The following PDSS1 variants were observed in gnomAD, a reference collection of about 807,000 sequenced individuals.
The protein encoded by PDSS1 is decaprenyl diphosphate synthase subunit 1.
A neutral mutation model predicts 57.5 loss-of-function variants in PDSS1; 43 were observed. The ratio of observed to expected loss-of-function variants is 0.75; its 90% CI spans 0.59 to 0.96. PDSS1 has a LOEUF of 0.96. Ranked by LOEUF, PDSS1 falls within the 50% of genes least tolerant of loss-of-function variation. The pLI, the probability that PDSS1 is intolerant of heterozygous loss-of-function variation, is 0.00. For synonymous variants in PDSS1, 175 were observed against 191.3 expected (o/e 0.91, Z 0.70); for missense variants, 438 against 527.8 (o/e 0.83, Z 1.67).
At chr10:26,703,057 G>A (rs1202851919) in intron 2 of PDSS1, among the ~76,000 whole-genome samples, 1 of 152,122 alleles carries the variant, frequency 6.6e-6, no homozygotes, top group Non-Finnish European at 1.5e-5. Flanking sequence ...TGTATATTGT[G>A]TACCAGGCTC....
chr10:26,725,892 A>G (rs369029008), intron 8 of PDSS1, among the ~76,000 whole-genome samples: 3 of 152,234 alleles, frequency 2.0e-5, no homozygotes, highest in South Asian at 2.1e-4. Context: ...CCTAGGCAAC[A>G]TAGCAAGATC....
At chr10:26,712,032 C>T (rs143312339) in intron 5 of PDSS1, among the ~76,000 whole-genome samples, 790 of 68,970 alleles carry the variant, frequency 0.011, 240 homozygotes, top group Admixed American at 0.11. Flanking sequence ...GATGGAGTCT[C>T]GCTCTGTTGC....
intron 8 of PDSS1, among the ~76,000 whole-genome samples, chr10:26,730,526 C>G (rs1233007083): frequency 2.6e-5 from 4 of 151,808 alleles, no homozygotes; most frequent in African/African-American, 9.7e-5. Context: ...GGAGGATCAC[C>G]TGAGCCCTGG....
intron 8 of PDSS1, among the ~76,000 whole-genome samples, chr10:26,729,610 C>T (rs1836094038): frequency 1.3e-5 from 2 of 152,224 alleles, no homozygotes; most frequent in Middle Eastern, 3.4e-3. Context: ...ATTCATGACT[C>T]ATATCTCTGT....
intron 6 of PDSS1, among the ~76,000 whole-genome samples, chr10:26,722,363 T>C (rs984458825): frequency 1.1e-4 from 16 of 152,336 alleles, no homozygotes; most frequent in East Asian, 3.9e-4. Context: ...TAAATAGTTA[T>C]GTTAAAAATT....
At chr10:26,743,187 C>T (rs760685695) in intron 11 of PDSS1, among the ~76,000 whole-genome samples, 9 of 152,212 alleles carry the variant, frequency 5.9e-5, no homozygotes, top group African/African-American at 1.7e-4. Context: ...TATATTGCCA[C>T]GTATCTTCAG....
intron 10 of PDSS1, among the ~76,000 whole-genome samples, chr10:26,736,801 A>G (rs1281709861): frequency 6.6e-6 from 1 of 152,222 alleles, no homozygotes; most frequent in African/African-American, 2.4e-5. Context: ...GGTATGCTGT[A>G]AATAGGTCCT....
chr10:26,740,141 C>CAA (rs57093244), intron 10 of PDSS1, among the ~76,000 whole-genome samples: 47 of 98,440 alleles, frequency 4.8e-4, no homozygotes, highest in African/African-American at 1.3e-3. Flanking sequence ...AACTCCATCT[C>CAA]AAAAAAAAAA....
At chr10:26,744,303 C>G (rs1041417573) in intron 11 of PDSS1, among the ~76,000 whole-genome samples, 1 of 151,848 alleles carries the variant, frequency 6.6e-6, no homozygotes, top group Non-Finnish European at 1.5e-5. Flanking sequence ...CCATTAAATC[C>G]GAAGGCAAAA....
chr10:26,739,021 A>G (rs1407589424), intron 10 of PDSS1, among the ~76,000 whole-genome samples: 7 of 152,214 alleles, frequency 4.6e-5, no homozygotes. Flanking sequence ...ATTTTCAAAT[A>G]TCTTTTTTAA....
chr10:26,724,130 A>G lies in PDSS1; in HGVS notation c.831+7A>G. ...AGCCAACAGTTGTAAAGCAGTATGT[A>G]CGTTCTGTCTTTCTTCAAGTTAAAG... On this transcript the variant is annotated splice_region_variant and intron_variant, in intron 8 of 11. Transcript: ENST00000376215. 1 of 1,572,056 alleles carries G rather than the reference A, an allele frequency of 6.4e-7. No homozygotes were observed. The highest frequency in any genetic ancestry group is 8.8e-7 in the Non-Finnish European group (1 of 1,141,558).
intron 2 of PDSS1, among the ~76,000 whole-genome samples, chr10:26,703,890 G>T (rs941264835): frequency 6.6e-6 from 1 of 151,698 alleles, no homozygotes; most frequent in African/African-American, 2.4e-5. Flanking sequence ...GACCATCCTG[G>T]CTAACACGGT....
At chr10:26,728,280 T>G (rs1836033221) in intron 8 of PDSS1, among the ~76,000 whole-genome samples, 1 of 151,972 alleles carries the variant, frequency 6.6e-6, no homozygotes, top group Non-Finnish European at 1.5e-5. Context: ...TCACCTGAGG[T>G]CAAGAGTTTG....
intron 5 of PDSS1, chr10:26,718,742 T>G (rs1835684337): frequency 1.1e-5 from 1 of 89,120 alleles, no homozygotes; most frequent in African/African-American, 4.3e-5. Flanking sequence ...GCCTGGGCAA[T>G]AAGAGTGAAA....
chr10:26,722,470 C>T (rs1033706919), intron 6 of PDSS1, among the ~76,000 whole-genome samples: 5 of 151,974 alleles, frequency 3.3e-5, no homozygotes, highest in African/African-American at 7.3e-5. Context: ...TTTGGGAGGC[C>T]GAGGCAGTTG....
chr10:26,707,436 C>A (rs1017472620), intron 4 of PDSS1, among the ~76,000 whole-genome samples: 6 of 152,138 alleles, frequency 3.9e-5, no homozygotes, highest in Admixed American at 6.5e-5. Flanking sequence ...TGGTCGCCTT[C>A]CTGTTGTGGG....
At chr10:26,719,971 G>T (rs1033377466) in intron 5 of PDSS1, among the ~76,000 whole-genome samples, 1 of 152,214 alleles carries the variant, frequency 6.6e-6, no homozygotes, top group South Asian at 2.1e-4. Context: ...ATCGTTTACT[G>T]TTTTTTTGGC....
chr10:26,705,483 T>C lies in PDSS1; in HGVS notation c.336+89T>C, dbSNP rs1780191. 0.35 allele frequency: 181,793 copies of C among 523,724 alleles called. 33,559 individuals carry two copies. Among genetic ancestry groups the C allele is most frequent in the East Asian group, 0.44 (10,541 of 24,148 alleles). The allele number at this position is 523,724 out of a possible 1,614,324, so 32.4% of individuals were successfully genotyped here. On this transcript the variant is annotated intron_variant, in intron 4 of 11. Transcript: ENST00000376215. Reference sequence around the variant, plus strand: ...TTATTTTTTATTCTTATAATTATTATTATTTTTTGAGCTGGAGTCTCACTC... The same window carrying C: ...TTATTTTTTATTCTTATAATTATTACTATTTTTTGAGCTGGAGTCTCACTC...
At chr10:26,703,383 C>T (rs1432585909) in intron 2 of PDSS1, among the ~76,000 whole-genome samples, 3 of 152,296 alleles carry the variant, frequency 2.0e-5, no homozygotes, top group South Asian at 2.1e-4. Flanking sequence ...CAGTGACTCA[C>T]GTCTGTAATT....
Sources: allele counts gnomAD v4.1 joint callset (sites outside exome capture counted in the v4.1 genomes callset), GRCh38; gene constraint gnomAD v4.1.1; transcripts MANE v1.5; gene names NCBI Gene and HGNC (gene_info 2026-07-23, HGNC 2026-07-21).